Variants in NKAIN3 observed in about 807,000 individuals in gnomAD.
NKAIN3 encodes the protein sodium/potassium transporting ATPase interacting 3.
NKAIN3 carries 25 observed loss-of-function variants against 30.2 expected under a neutral mutation model. The ratio of observed to expected loss-of-function variants is 0.83; its 90% CI spans 0.60 to 1.16. The LOEUF (loss-of-function observed/expected upper bound fraction) is 1.16, where lower values mean the gene tolerates loss of function less well. NKAIN3 is among the 50% of genes most tolerant of loss of function. The pLI is 0.00. For missense variants in NKAIN3, 225 were observed against 254.1 expected (o/e 0.89, Z 0.78); for synonymous variants, 91 against 89.6 (o/e 1.02, Z -0.09).
At position 62,738,688 on chromosome 8, in the gene NKAIN3, G is replaced by A. The variant is rs377165024; in HGVS notation, c.274-8244G>A. On this transcript the variant is annotated intron_variant, in intron 3 of 6. Coordinates refer to ENST00000623646, the MANE Select transcript of NKAIN3 (RefSeq NM_001304533.3). ...CTTTTTGATGGGGTTGTTTTTTCTT[G>A]TAAATTTATTTAAGTTCCTTGTAGA... 3.4e-5 allele frequency among the ~76,000 whole-genome samples: 5 copies of A among 148,736 alleles called. No homozygotes were observed. In the East Asian group the frequency reaches 7.8e-4, roughly 23 times the overall value.
chr8:62,851,597 C>T (rs1819900061), intron 4 of NKAIN3, among the ~76,000 whole-genome samples: 1 of 152,146 alleles, frequency 6.6e-6, no homozygotes, highest in South Asian at 2.1e-4. Context: ...GTGGGTTTGT[C>T]ATAGATAGCT....
At chr8:62,374,206 A>G (rs1031852556) in intron 1 of NKAIN3, among the ~76,000 whole-genome samples, 8 of 152,122 alleles carry the variant, frequency 5.3e-5, no homozygotes, top group Non-Finnish European at 1.2e-4. Context: ...AAAGACAACT[A>G]AAATACAACT....
At chr8:62,730,927 T>G (rs1037486545) in intron 3 of NKAIN3, among the ~76,000 whole-genome samples, 6 of 152,212 alleles carry the variant, frequency 3.9e-5, no homozygotes, top group African/African-American at 1.4e-4. Context: ...TGTGTTTTAG[T>G]AGGCTTCAAT....
chr8:62,960,478 C>T (rs1823539389), intron 6 of NKAIN3, among the ~76,000 whole-genome samples: 1 of 151,544 alleles, frequency 6.6e-6, no homozygotes, highest in African/African-American at 2.4e-5. Context: ...TAGATTTATG[C>T]AGTGATGTGG....
At chr8:62,454,215 A>G (rs1805739317) in intron 1 of NKAIN3, among the ~76,000 whole-genome samples, 2 of 148,998 alleles carry the variant, frequency 1.3e-5, no homozygotes, top group South Asian at 2.1e-4. Context: ...AAAGGGTCCA[A>G]TCTTTCAGCT....
chr8:62,852,560 A>G (rs1001788494), intron 4 of NKAIN3, among the ~76,000 whole-genome samples: 1 of 152,052 alleles, frequency 6.6e-6, no homozygotes. Flanking sequence ...TATCAATTTT[A>G]GATCTTTCCT....
Position 62,574,939 on chromosome 8 carries a change from T to TA in NKAIN3, c.55-4590dup, listed in dbSNP as rs374646001. 2.6e-3 allele frequency among the ~76,000 whole-genome samples: 393 copies of TA among 148,370 alleles called. 2 individuals carry two copies. Among genetic ancestry groups the TA allele is most frequent in the African/African-American group, 8.2e-3 (332 of 40,710 alleles). ...AACATCCCTTCAGGATAAAAACCTT[T>TA]AAAAAAAAAACTGGGTGTAGAAGGA... On this transcript the variant is annotated intron_variant, in intron 1 of 6. Transcript: ENST00000623646.
At chr8:62,943,080 T>C (rs1017261172) in intron 5 of NKAIN3, among the ~76,000 whole-genome samples, 1 of 152,136 alleles carries the variant, frequency 6.6e-6, no homozygotes, top group Non-Finnish European at 1.5e-5. Flanking sequence ...AAAGAAATAA[T>C]TAGCAGAGTA....
chr8:62,964,844 C>A (rs1271222022), intron 6 of NKAIN3, among the ~76,000 whole-genome samples: 1 of 151,954 alleles, frequency 6.6e-6, no homozygotes, highest in Non-Finnish European at 1.5e-5. Flanking sequence ...GAGAGGTAAA[C>A]TGAAGTTTTA....
At chr8:62,254,345 T>G (rs1812203411) in intron 1 of NKAIN3, among the ~76,000 whole-genome samples, 1 of 152,104 alleles carries the variant, frequency 6.6e-6, no homozygotes, top group South Asian at 2.1e-4. Flanking sequence ...TTAAGAATCA[T>G]GAACAATATT....
intron 4 of NKAIN3, among the ~76,000 whole-genome samples, chr8:62,872,505 G>A (rs751635780): frequency 5.9e-5 from 9 of 152,220 alleles, no homozygotes; most frequent in African/African-American, 2.2e-4. Flanking sequence ...AAATGCAGGA[G>A]CATCCAACTG....
intron 4 of NKAIN3, among the ~76,000 whole-genome samples, chr8:62,916,770 G>A (rs188300130): frequency 1.4e-3 from 214 of 152,238 alleles, no homozygotes; most frequent in African/African-American, 5.0e-3. Context: ...GTTCCTCTGC[G>A]TTATCGTGGG....
chr8:62,473,933 C>T (rs1430978579), intron 1 of NKAIN3: 1 of 152,290 alleles, frequency 6.6e-6, no homozygotes, highest in East Asian at 1.9e-4. Flanking sequence ...TATACTTCTA[C>T]TAAATATGGA....
At chr8:62,664,070 T>C (rs1380375195) in intron 3 of NKAIN3, among the ~76,000 whole-genome samples, 1 of 152,100 alleles carries the variant, frequency 6.6e-6, no homozygotes, top group Non-Finnish European at 1.5e-5. Flanking sequence ...GAGTGAAACA[T>C]GCATGATCTT....
chr8:62,944,242 T>G (rs1366236704), intron 5 of NKAIN3, among the ~76,000 whole-genome samples: 1 of 152,178 alleles, frequency 6.6e-6, no homozygotes, highest in Non-Finnish European at 1.5e-5. Context: ...CTAACTCTAT[T>G]ATGTTTCATT....
chr8:62,721,817 A>G (rs932022275), intron 3 of NKAIN3, among the ~76,000 whole-genome samples: 3 of 152,218 alleles, frequency 2.0e-5, no homozygotes, highest in Admixed American at 2.0e-4. Flanking sequence ...ATAGGGCAGA[A>G]CATAGACAAT....
At chr8:62,481,951 C>G (rs112579766) in intron 1 of NKAIN3, among the ~76,000 whole-genome samples, 1 of 152,120 alleles carries the variant, frequency 6.6e-6, no homozygotes, top group Non-Finnish European at 1.5e-5. Flanking sequence ...CTCACCAGCC[C>G]ACAAAACCCA....
At chr8:62,460,218 C>T (rs1251969978) in intron 1 of NKAIN3, among the ~76,000 whole-genome samples, 2 of 151,976 alleles carry the variant, frequency 1.3e-5, no homozygotes, top group African/African-American at 4.8e-5. Context: ...TCGAGACCAG[C>T]CTGGCTAACA....
chr8:62,303,129 T>C lies in NKAIN3; in HGVS notation c.54+54002T>C, dbSNP rs939828607. Reference sequence around the variant, plus strand: ...TAGGGACAATTGGGAAAATGTGTTCTCCAGCAGTTGATTTACTGTGTTTTT... The same window carrying C: ...TAGGGACAATTGGGAAAATGTGTTCCCCAGCAGTTGATTTACTGTGTTTTT... On this transcript the variant is annotated intron_variant, in intron 1 of 6. Coordinates refer to ENST00000623646, the MANE Select transcript of NKAIN3 (RefSeq NM_001304533.3). Among the ~76,000 whole-genome samples the C allele has an allele frequency of 1.3e-5, 2 of 150,690 alleles. 1 individual carries two copies. The highest frequency in any genetic ancestry group is 1.3e-4 in the Admixed American group (2 of 15,214).
Sources: allele counts gnomAD v4.1 joint callset (sites outside exome capture counted in the v4.1 genomes callset), GRCh38; gene constraint gnomAD v4.1.1; transcripts MANE v1.5; gene names NCBI Gene and HGNC (gene_info 2026-07-23, HGNC 2026-07-21).